The following ZKSCAN8 variants were observed in gnomAD, a reference collection of about 807,000 sequenced individuals.
The protein encoded by ZKSCAN8 is zinc finger protein with KRAB and SCAN domains 8.
A neutral mutation model predicts 57.2 loss-of-function variants in ZKSCAN8; 27 were observed. The observed-to-expected ratio is 0.47, with a 90% CI of 0.35 to 0.65. The LOEUF (loss-of-function observed/expected upper bound fraction) is 0.65, where lower values mean the gene tolerates loss of function less well. Ranked by LOEUF, ZKSCAN8 falls within the 30% of genes least tolerant of loss-of-function variation. The probability of loss-of-function intolerance (pLI) is 0.01; values close to 1 mark genes in which losing one functional copy is unlikely to be tolerated. For synonymous variants in ZKSCAN8, 214 were observed against 248.7 expected, an observed-to-expected ratio of 0.86 and a Z score of 1.31; for missense variants, 597 against 696.3, an observed-to-expected ratio of 0.86 and a Z score of 1.60.
Position 28,153,981 on chromosome 6 carries a change from CCA to C in ZKSCAN8, c.1704_1705del (p.His568GlnfsTer3). On this transcript the variant is annotated frameshift_variant, in exon 6 of 6. Coordinates refer to ENST00000330236, the MANE Select transcript of ZKSCAN8 (RefSeq NM_006298.4). LOFTEE classifies it high-confidence loss of function. ...RSSLIRHQRIHSGEKSESISV is the reference protein window; with the variant it reads ...RSSLIRHQRIXSGEKSESISV ...CAAGTCTCATTCGACATCAGAGAATCCACAGTGGTGAAAAATCTGAATCCATA... is the reference window on the plus strand; with the variant it reads ...CAAGTCTCATTCGACATCAGAGAATCCAGTGGTGAAAAATCTGAATCCATA... The C allele has an allele frequency of 6.2e-7, 1 of 1,606,220 alleles. No individual in the cohort carries two copies. Among genetic ancestry groups the C allele is most frequent in the South Asian group, 1.1e-5 (1 of 89,838 alleles).
chr6:28,154,726 CTG>C lies in ZKSCAN8; in HGVS notation c.*713_*714del, dbSNP rs1371653844. 1 of 152,700 alleles carries C rather than the reference CTG, an allele frequency of 6.5e-6. No individual in the cohort carries two copies. Among genetic ancestry groups the C allele is most frequent in the Non-Finnish European group, 1.5e-5 (1 of 68,070 alleles). 9.5% of individuals were successfully genotyped at this position (152,700 alleles called of 1,614,324 possible). On this transcript the variant is annotated 3_prime_UTR_variant, in exon 6 of 6. Coordinates refer to ENST00000330236, the MANE Select transcript of ZKSCAN8 (RefSeq NM_006298.4). ...CCTTCACCACCCCCAGTCCCAGCACCTGTGTCAGTAAAGAAAGTGGACACATT... is the reference window on the plus strand; with the variant it reads ...CCTTCACCACCCCCAGTCCCAGCACCTGTCAGTAAAGAAAGTGGACACATT...
rs2113568660 is a variant in ZKSCAN8 at position 28,141,918 on chromosome 6, AG to A, written c.-200del. 6.5e-6 allele frequency: 1 copy of A among 152,738 alleles called. No individual in the cohort carries two copies. The highest frequency in any genetic ancestry group is 1.5e-5 in the Non-Finnish European group (1 of 68,336). 9.5% of individuals were successfully genotyped at this position (152,738 alleles called of 1,614,324 possible). ...CGCAGATTTAGAAGTTAGTGGCCGG[AG>A]GGGCCTGGTCCGAGTACAGCTTTCA... On this transcript the variant is annotated 5_prime_UTR_variant, in exon 1 of 6. Coordinates refer to ENST00000330236, the MANE Select transcript of ZKSCAN8 (RefSeq NM_006298.4).
chr6:28,150,302 G>C (rs956771984), intron 3 of ZKSCAN8, among the ~76,000 whole-genome samples: 2 of 151,990 alleles, frequency 1.3e-5, no homozygotes, highest in Non-Finnish European at 2.9e-5. Flanking sequence ...TTGGATTTGC[G>C]TGATGTTTGA....
Position 28,153,922 on chromosome 6 carries a change from T to G in ZKSCAN8, c.1642T>G (p.Cys548Gly). ...TCACACAGGGGAGAAGCCCTACCAA[T>G]GTAATGAGTGTGGGAAAGCCTTTAT... ...RIHTGEKPYQ[C>G]NECGKAFIQR... Residue 548 changes from cysteine (C) to glycine (G), a missense_variant, in exon 6 of 6, where the codon TGT (cysteine) becomes GGT (glycine). Coordinates refer to ENST00000330236, the MANE Select transcript of ZKSCAN8 (RefSeq NM_006298.4). The G allele has an allele frequency of 6.2e-7, 1 of 1,614,224 alleles. No individual in the cohort carries two copies. Among genetic ancestry groups the G allele is most frequent in the Non-Finnish European group, 8.5e-7 (1 of 1,180,030 alleles).
Position 28,149,532 on chromosome 6 carries a change from A to C in ZKSCAN8, c.467A>C (p.His156Pro). Residue 156 changes from histidine to proline, a missense_variant, in exon 3 of 6, where the codon CAT (histidine) becomes CCT (proline). Transcript: ENST00000330236. ...GHRVLWEEVV[H>P]SASAPEPPNT... ...AGGGTACTCTGGGAGGAGGTAGTAC[A>C]TTCAGCATCTGCACCAGAGCCTCCA... 2 of 1,614,164 alleles carry C rather than the reference A, an allele frequency of 1.2e-6. No homozygotes were observed. Among genetic ancestry groups the C allele is most frequent in the Non-Finnish European group, 1.7e-6 (2 of 1,180,024 alleles).
chr6:28,149,582 A>G lies in ZKSCAN8; in HGVS notation c.517A>G (p.Thr173Ala). The part of the protein sequence containing the change: ...PPNTQLQSEA[T>A]QHKSPVPQES... The stretch of plus-strand genomic sequence containing the variant: ...AAATACTCAGCTCCAATCTGAGGCA[A>G]CCCAACATAAATCTCCAGTGCCCCA... The change falls in exon 3 of 6, where the codon ACC (threonine) becomes GCC (alanine). Residue 173 changes from threonine (T) to alanine (A), a missense_variant. By Grantham distance (58) the Thr-to-Ala change is moderately conservative. Transcript: ENST00000330236. The G allele has an allele frequency of 1.9e-6, 3 of 1,614,110 alleles. No homozygotes were observed. In the South Asian group the frequency reaches 3.3e-5, roughly 18 times the overall value.
rs1269035121 is a variant in ZKSCAN8, at chr6:28,144,651, A to G, written c.-93+2622A>G. ...GCCATGGCCACATTCTCACAATGTG[A>G]TAAGTCCTATATTTGGACCATGTTA... On this transcript the variant is annotated intron_variant, in intron 1 of 5. Transcript: ENST00000330236. The surrounding 1 kb of genome is among the most constrained non-coding windows in gnomAD (Gnocchi z 4.5). Among the ~76,000 whole-genome samples the G allele has an allele frequency of 1.3e-5, 2 of 152,260 alleles. No individual in the cohort carries two copies. The highest frequency in any genetic ancestry group is 2.4e-5 in the African/African-American group (1 of 41,470).
chr6:28,148,214 G>A (rs569837662), intron 1 of ZKSCAN8, 102 bp from the exon 2 acceptor site: 25 of 529,210 alleles, frequency 4.7e-5, no homozygotes, highest in African/African-American at 1.1e-4. Context: ...TTAATTGGCC[G>A]AGCCATGAAG....
chr6:28,157,735 A>G lies in ZKSCAN8; in HGVS notation c.*3718A>G, dbSNP rs1765831802. 6.6e-6 allele frequency: 1 copy of G among 152,174 alleles called. No homozygotes were observed. The highest frequency in any genetic ancestry group is 2.4e-5 in the African/African-American group (1 of 41,442). 9.4% of individuals were successfully genotyped at this position (152,174 alleles called of 1,614,324 possible). On this transcript the variant is annotated 3_prime_UTR_variant, in exon 6 of 6. Transcript: ENST00000330236. ...TAGTACTACAAAGCTAAATTGTGCA[A>G]ACAAAACATATTTAACAGAGTAATT... is the stretch of plus-strand genomic sequence containing the variant.
At position 28,158,046 on chromosome 6, in the gene ZKSCAN8, C is replaced by T. The variant is rs1263862911; in HGVS notation, c.*4029C>T. ...AATCTGTTCTTAAAACTTCTTTTTACTGGCTTTCATACTTAGCATTCCAGT... is the reference window on the plus strand; with the variant it reads ...AATCTGTTCTTAAAACTTCTTTTTATTGGCTTTCATACTTAGCATTCCAGT... On this transcript the variant is annotated 3_prime_UTR_variant, in exon 6 of 6. Transcript: ENST00000330236. 1 of 152,080 alleles carries T rather than the reference C, an allele frequency of 6.6e-6. No homozygotes were observed. Among genetic ancestry groups the T allele is most frequent in the Non-Finnish European group, 1.5e-5 (1 of 68,000 alleles). The allele number at this position is 152,080 out of a possible 1,614,324, so 9.4% of individuals were successfully genotyped here. A position where few individuals can be genotyped will look rare whatever the true frequency, so the allele number is the denominator to read the frequency against.
rs1382670451 is a variant in ZKSCAN8, at chr6:28,148,521, T to C, written c.114T>C (p.Ser38=). 1 of 1,614,102 alleles carries C rather than the reference T, an allele frequency of 6.2e-7. No homozygotes were observed. Among genetic ancestry groups the C allele is most frequent in the African/African-American group, 1.3e-5 (1 of 75,030 alleles). The part of the protein sequence containing the change: ...EEDHGWDQES[S]LHESNPLGQE... ...ATCATGGTTGGGACCAGGAATCTAGTCTGCATGAAAGTAACCCTCTTGGCC... is the reference window on the plus strand; with the variant it reads ...ATCATGGTTGGGACCAGGAATCTAGCCTGCATGAAAGTAACCCTCTTGGCC... The change falls in exon 2 of 6, where the codon AGT becomes AGC. Residue 38 remains serine, a synonymous_variant. Transcript: ENST00000330236.
At chr6:28,150,587 G>A (rs1765559948) in intron 3 of ZKSCAN8, among the ~76,000 whole-genome samples, 1 of 152,066 alleles carries the variant, frequency 6.6e-6, no homozygotes, top group African/African-American at 2.4e-5. Flanking sequence ...ATTAAACTTT[G>A]TTGCTAAAAC....
chr6:28,155,651 A>G lies in ZKSCAN8; in HGVS notation c.*1634A>G, dbSNP rs1765758462. 1 of 152,418 alleles carries G rather than the reference A, an allele frequency of 6.6e-6. No individual in the cohort carries two copies. Among genetic ancestry groups the G allele is most frequent in the South Asian group, 2.1e-4 (1 of 4,832 alleles). The allele number at this position is 152,418 out of a possible 1,614,324, so 9.4% of individuals were successfully genotyped here. ...TTATATAGGTTCTGATGAAAGCTTCATAATTTCACCCTGTGACTATCCTGA... is the reference window on the plus strand; with the variant it reads ...TTATATAGGTTCTGATGAAAGCTTCGTAATTTCACCCTGTGACTATCCTGA... On this transcript the variant is annotated 3_prime_UTR_variant, in exon 6 of 6. Transcript: ENST00000330236.
intron 2 of ZKSCAN8, 101 bp from the exon 3 acceptor site, chr6:28,149,382 C>G (rs767374777): frequency 1.4e-6 from 2 of 1,439,442 alleles, no homozygotes; most frequent in African/African-American, 2.9e-5. Context: ...CTGCTTCCTT[C>G]CCCAAGCATA....
rs1457718668 is a variant in ZKSCAN8 at position 28,148,588 on chromosome 6, G to A, written c.181G>A (p.Glu61Lys). 1 of 1,614,102 alleles carries A rather than the reference G, an allele frequency of 6.2e-7. No homozygotes were observed. The highest frequency in any genetic ancestry group is 8.5e-7 in the Non-Finnish European group (1 of 1,180,010). The change falls in exon 2 of 6, where the codon GAG becomes AAG. Residue 61 changes from glutamate (E) to lysine (K), a missense_variant. By Grantham distance (56) the Glu-to-Lys change is moderately conservative (BLOSUM62 1). Coordinates refer to ENST00000330236, the MANE Select transcript of ZKSCAN8 (RefSeq NM_006298.4). ...RLRFRQLRYQETLGPREALIQ... is the reference protein window; with the variant it reads ...RLRFRQLRYQKTLGPREALIQ... Reference sequence around the variant, plus strand: ...GCGCTTCAGGCAGTTACGCTACCAGGAGACACTAGGACCCCGAGAAGCTCT... The same window carrying A: ...GCGCTTCAGGCAGTTACGCTACCAGAAGACACTAGGACCCCGAGAAGCTCT...
At position 28,148,334 on chromosome 6, in the gene ZKSCAN8, G is replaced by T. The variant is rs1765469778; in HGVS notation, c.-74G>T. ...CATGAAGAAGTACCCTTAGAAAGAG[G>T]CCCTCAGAAGAGTCTTCTCTTAAGA... On this transcript the variant is annotated 5_prime_UTR_variant, in exon 2 of 6. Coordinates refer to ENST00000330236, the MANE Select transcript of ZKSCAN8 (RefSeq NM_006298.4). The T allele has an allele frequency of 3.4e-6, 5 of 1,457,966 alleles. No individual in the cohort carries two copies. In the South Asian group the frequency reaches 6.8e-5, roughly 20 times the overall value. 90.3% of individuals were successfully genotyped at this position (1,457,966 alleles called of 1,614,324 possible). A position where few individuals can be genotyped will look rare whatever the true frequency, so the allele number is the denominator to read the frequency against.
At chr6:28,142,957 A>G (rs1765266966) in intron 1 of ZKSCAN8, among the ~76,000 whole-genome samples, 1 of 152,244 alleles carries the variant, frequency 6.6e-6, no homozygotes, top group Non-Finnish European at 1.5e-5. Flanking sequence ...ACATTTCTCA[A>G]ATTAGACATA....
chr6:28,153,296 GC>G lies in ZKSCAN8; in HGVS notation c.1018del (p.His340ThrfsTer36). On this transcript the variant is annotated frameshift_variant, in exon 6 of 6. Transcript: ENST00000330236. LOFTEE classifies it high-confidence loss of function. ...TTTGCTCAGAGCTCAGGCCTTGTTC[GC>G]CACTGGAGAATCCACACTGGGGAGA... ...KSFAQSSGLV[R>X]HWRIHTGEKP... The G allele has an allele frequency of 6.2e-7, 1 of 1,614,204 alleles. No individual in the cohort carries two copies. Among genetic ancestry groups the G allele is most frequent in the Non-Finnish European group, 8.5e-7 (1 of 1,180,040 alleles).
At position 28,154,257 on chromosome 6, in the gene ZKSCAN8, T is replaced by C; in HGVS notation, c.*240T>C. The C allele has an allele frequency of 4.4e-6, 2 of 453,866 alleles. No individual in the cohort carries two copies. Among genetic ancestry groups the C allele is most frequent in the South Asian group, 5.2e-5 (1 of 19,228 alleles). The allele number at this position is 453,866 out of a possible 1,614,324, so 28.1% of individuals were successfully genotyped here. On this transcript the variant is annotated 3_prime_UTR_variant, in exon 6 of 6. Coordinates refer to ENST00000330236, the MANE Select transcript of ZKSCAN8 (RefSeq NM_006298.4). ...GCTCCTGATGACCTAATGTATCCTT[T>C]AGAAATTTAAAATAGCATTAGAGCA...
Sources: allele counts gnomAD v4.1 joint callset (sites outside exome capture counted in the v4.1 genomes callset), GRCh38; gene constraint gnomAD v4.1.1; non-coding constraint Gnocchi (gnomAD v3.1); transcripts MANE v1.5; gene names NCBI Gene and HGNC (gene_info 2026-07-23, HGNC 2026-07-21).